FAM135A: variants seen among roughly 807,000 people sequenced by gnomAD.
The protein encoded by FAM135A is protein FAM135A.
Under a neutral mutation model 146.8 loss-of-function variants are expected in FAM135A, and 79 were observed. The ratio of observed to expected loss-of-function variants is 0.54; its 90% CI spans 0.45 to 0.65. FAM135A has a LOEUF of 0.65. Among genes scored for constraint, FAM135A ranks in the 30% least tolerant of loss-of-function variants. The pLI, the probability that FAM135A is intolerant of heterozygous loss-of-function variation, is 0.00. For synonymous variants in FAM135A, 562 were observed against 603.6 expected (o/e 0.93, Z 1.01); for missense variants, 1,623 against 1,758.2 (o/e 0.92, Z 1.38).
intron 11 of FAM135A, among the ~76,000 whole-genome samples, chr6:70,500,015 T>C (rs1788126146): frequency 6.6e-6 from 1 of 152,198 alleles, no homozygotes; most frequent in South Asian, 2.1e-4. Flanking sequence ...TGAGTTTGAA[T>C]GTTGGCCTGT....
At chr6:70,520,148 C>T (rs1395401655) in intron 12 of FAM135A, among the ~76,000 whole-genome samples, 3 of 152,022 alleles carry the variant, frequency 2.0e-5, no homozygotes, top group Non-Finnish European at 4.4e-5. Context: ...GTACTTACCT[C>T]TGTAATTCAT....
At chr6:70,454,741 G>A (rs996022130) in intron 5 of FAM135A, among the ~76,000 whole-genome samples, 1 of 152,002 alleles carries the variant, frequency 6.6e-6, no homozygotes, top group African/African-American at 2.4e-5. Context: ...TACTTCTGAG[G>A]CCTCTGTTCT....
At chr6:70,461,971 C>T (rs1779527054) in intron 5 of FAM135A, among the ~76,000 whole-genome samples, 1 of 152,106 alleles carries the variant, frequency 6.6e-6, no homozygotes, top group East Asian at 1.9e-4. Flanking sequence ...TGTCTTTTCC[C>T]TGTGTCTTGC....
At position 70,455,826 on chromosome 6, in the gene FAM135A, C is replaced by T. The variant is rs984792142; in HGVS notation, c.157+3255C>T. Among the ~76,000 whole-genome samples, 11 of 152,188 alleles carry T rather than the reference C, an allele frequency of 7.2e-5. No homozygotes were observed. In the East Asian group the frequency reaches 1.5e-3, roughly 21 times the overall value. ...TGTTTGTTCCTTATTATTAAAGTTT[C>T]GAGAGAAATAATGTCAAACCTATGA... On this transcript the variant is annotated intron_variant, in intron 5 of 21. Transcript: ENST00000418814.
At chr6:70,533,736 T>C in intron 17 of FAM135A, 21 bp from the exon 18 acceptor site, 1 of 1,398,684 alleles carries the variant, frequency 7.1e-7, no homozygotes, top group South Asian at 1.3e-5. Flanking sequence ...ATATAATGTA[T>C]GTGCTTTGCT....
intron 20 of FAM135A, among the ~76,000 whole-genome samples, chr6:70,544,029 ATC>A: frequency 1.3e-5 from 2 of 152,312 alleles, no homozygotes; most frequent in South Asian, 4.1e-4. Context: ...GAATAGTAGT[ATC>A]TCATAAGATT....
At chr6:70,550,368 A>C (rs1044430787) in intron 20 of FAM135A, among the ~76,000 whole-genome samples, 2 of 152,234 alleles carry the variant, frequency 1.3e-5, no homozygotes, top group African/African-American at 4.8e-5. Context: ...TTAAGTAATA[A>C]GACTTGAAAG....
chr6:70,414,490 T>A (rs983220134), intron 1 of FAM135A, among the ~76,000 whole-genome samples: 2 of 151,600 alleles, frequency 1.3e-5, no homozygotes, highest in East Asian at 3.9e-4. Context: ...ATCTTAATTT[T>A]TTCCCCTCCA....
chr6:70,511,342 T>C (rs1468483801), intron 12 of FAM135A, among the ~76,000 whole-genome samples: 3 of 151,942 alleles, frequency 2.0e-5, no homozygotes, highest in African/African-American at 7.2e-5. Context: ...AAGATAAATA[T>C]ATTCAGCAGT....
At chr6:70,414,637 T>C (rs1767137999) in intron 1 of FAM135A, among the ~76,000 whole-genome samples, 1 of 152,148 alleles carries the variant, frequency 6.6e-6, no homozygotes, top group Non-Finnish European at 1.5e-5. Flanking sequence ...CTGCCTAAGC[T>C]AGGTATCCAC....
intron 5 of FAM135A, among the ~76,000 whole-genome samples, chr6:70,455,426 G>A (rs1318938346): frequency 1.3e-5 from 2 of 151,620 alleles, no homozygotes; most frequent in East Asian, 3.9e-4. Context: ...ATATATACAT[G>A]TGTATGTGTG....
chr6:70,428,879 A>C lies in FAM135A; in HGVS notation c.77+460A>C, dbSNP rs199739314. Among the ~76,000 whole-genome samples the C allele has an allele frequency of 5.3e-5, 8 of 152,326 alleles. No individual in the cohort carries two copies. In the East Asian group the frequency reaches 1.5e-3, roughly 29 times the overall value. On this transcript the variant is annotated intron_variant, in intron 4 of 21. Transcript: ENST00000418814. Reference sequence around the variant, plus strand: ...ACATGTTATAATTTAACAGTCACCCACTGTTGGGTATTTCATTTGTTTTCA... The same window carrying C: ...ACATGTTATAATTTAACAGTCACCCCCTGTTGGGTATTTCATTTGTTTTCA...
intron 12 of FAM135A, among the ~76,000 whole-genome samples, chr6:70,509,435 A>G (rs892580757): frequency 6.6e-6 from 1 of 152,174 alleles, no homozygotes; most frequent in Non-Finnish European, 1.5e-5. Flanking sequence ...TTGAAATTAC[A>G]GTGATTCTTC....
chr6:70,442,316 G>C (rs1582131002), intron 4 of FAM135A, among the ~76,000 whole-genome samples: 1 of 135,254 alleles, frequency 7.4e-6, no homozygotes, highest in East Asian at 2.2e-4. Flanking sequence ...AAAATCACTT[G>C]AAGTATTTCT....
At chr6:70,553,170 G>GACC (rs765349373) in intron 20 of FAM135A, among the ~76,000 whole-genome samples, 2 of 152,152 alleles carry the variant, frequency 1.3e-5, no homozygotes, top group Non-Finnish European at 2.9e-5. Context: ...CAGCAGAGGA[G>GACC]ACCAGCCTGG....
intron 4 of FAM135A, among the ~76,000 whole-genome samples, chr6:70,437,866 ATATT>A (rs1773551469): frequency 6.6e-6 from 1 of 152,178 alleles, no homozygotes; most frequent in Non-Finnish European, 1.5e-5. Context: ...TTATTTCTCT[ATATT>A]TATTAATAAA....
In FAM135A at chr6:70,533,829, T is replaced by C; in HGVS notation, c.3940T>C (p.Tyr1314His). The C allele has an allele frequency of 3.2e-6, 5 of 1,553,754 alleles. No homozygotes were observed. The highest frequency in any genetic ancestry group is 4.3e-6 in the Non-Finnish European group (5 of 1,150,760). Residue 1314 changes from tyrosine (Y) to histidine (H), a missense_variant, in exon 18 of 22, where the codon TAT becomes CAT. Physicochemically the swap from Tyr to His is moderately conservative, Grantham distance 83. Coordinates refer to ENST00000418814, the MANE Select transcript of FAM135A (RefSeq NM_001162529.3). Reference sequence around the variant, plus strand: ...TGAGATAATACAGTATATTCAGATATATAGTCTAACAGTCTCAAAAATAAG... The same window carrying C: ...TGAGATAATACAGTATATTCAGATACATAGTCTAACAGTCTCAAAAATAAG... ...LDEIIQYIQIYSLTVSKISFI... is the reference protein window; with the variant it reads ...LDEIIQYIQIHSLTVSKISFI...
intron 5 of FAM135A, among the ~76,000 whole-genome samples, chr6:70,469,997 A>T (rs942568865): frequency 6.6e-6 from 1 of 152,038 alleles, no homozygotes; most frequent in Non-Finnish European, 1.5e-5. Flanking sequence ...TCTCAAAAAA[A>T]AGTAGAAAAA....
At chr6:70,437,383 G>A (rs1773418342) in intron 4 of FAM135A, among the ~76,000 whole-genome samples, 1 of 151,754 alleles carries the variant, frequency 6.6e-6, no homozygotes, top group Admixed American at 6.6e-5. Context: ...ATTAAAGAAT[G>A]GATTTTAAAA....
Sources: allele counts gnomAD v4.1 joint callset (sites outside exome capture counted in the v4.1 genomes callset), GRCh38; gene constraint gnomAD v4.1.1; transcripts MANE v1.5; gene names NCBI Gene and HGNC (gene_info 2026-07-23, HGNC 2026-07-21).